The following FGF14 variants were observed in gnomAD, a reference collection of about 807,000 sequenced individuals.
FGF14 encodes fibroblast growth factor 14, also known as fibroblast growth factor homologous factor 4.
Under a neutral mutation model 25.5 loss-of-function variants are expected in FGF14, and 5 were observed. That is an observed-to-expected ratio of 0.20 (90% CI 0.10 to 0.41). The LOEUF is 0.41. Ranked by LOEUF, FGF14 falls within the 10% of genes least tolerant of loss-of-function variation. FGF14 has a pLI of 1.00. For synonymous variants in FGF14, 138 were observed against 118.3 expected (o/e 1.17, Z -1.08); for missense variants, 222 against 320.1 (o/e 0.69, Z 2.34).
At chr13:102,063,580 C>G (rs1193091502) in intron 1 of FGF14, among the ~76,000 whole-genome samples, 1 of 151,356 alleles carries the variant, frequency 6.6e-6, no homozygotes, top group African/African-American at 2.4e-5. Flanking sequence ...CACGCCATTG[C>G]ACTCCAGCCT....
intron 1 of FGF14, among the ~76,000 whole-genome samples, chr13:102,045,517 T>C (rs893325629): frequency 6.6e-6 from 1 of 152,160 alleles, no homozygotes; most frequent in African/African-American, 2.4e-5. Flanking sequence ...GTGGAGCAAC[T>C]GTGATCTCTA....
chr13:102,343,790 T>C (rs1368151329), intron 1 of FGF14, among the ~76,000 whole-genome samples: 1 of 152,180 alleles, frequency 6.6e-6, no homozygotes, highest in Admixed American at 6.5e-5. Flanking sequence ...TCCTGTTAGA[T>C]TCCCTTAGCA....
At chr13:102,376,544 T>C (rs908012612) in intron 1 of FGF14, among the ~76,000 whole-genome samples, 3 of 152,194 alleles carry the variant, frequency 2.0e-5, no homozygotes, top group African/African-American at 4.8e-5. Flanking sequence ...ATGGCTTTTA[T>C]AGCCCAGGCC....
At chr13:101,793,312 G>A (rs1448235247) in intron 3 of FGF14, among the ~76,000 whole-genome samples, 1 of 152,240 alleles carries the variant, frequency 6.6e-6, no homozygotes, top group South Asian at 2.1e-4. Context: ...AAACTTTTCT[G>A]TATGAGAATG....
chr13:102,271,139 T>G lies in FGF14; in HGVS notation c.208+130332A>C, dbSNP rs2141161130. On this transcript the variant is annotated intron_variant, in intron 1 of 4. Transcript: ENST00000376131. Reference sequence around the variant, plus strand: ...TGATTTAGTCAATTACCCTTGGTTTTGTGGTAAATACTTATCAGAATTAAT... The same window carrying G: ...TGATTTAGTCAATTACCCTTGGTTTGGTGGTAAATACTTATCAGAATTAAT... Among the ~76,000 whole-genome samples the G allele has an allele frequency of 1.3e-5, 2 of 152,336 alleles. 1 individual carries two copies. Among genetic ancestry groups the G allele is most frequent in the Middle Eastern group, 6.8e-3 (2 of 294 alleles).
At chr13:101,735,137 A>G (rs1040056607) in intron 3 of FGF14, among the ~76,000 whole-genome samples, 5 of 152,106 alleles carry the variant, frequency 3.3e-5, no homozygotes, top group African/African-American at 1.2e-4. Context: ...AAACTAACCT[A>G]TTCCTAGAGG....
intron 1 of FGF14, among the ~76,000 whole-genome samples, chr13:102,161,104 A>C (rs1331673322): frequency 6.6e-6 from 1 of 152,220 alleles, no homozygotes; most frequent in Non-Finnish European, 1.5e-5. Context: ...GGAAGGCAGA[A>C]TGTAAAGGAA....
At chr13:101,934,311 A>T (rs1377838906) in intron 1 of FGF14, among the ~76,000 whole-genome samples, 1 of 152,230 alleles carries the variant, frequency 6.6e-6, no homozygotes, top group Non-Finnish European at 1.5e-5. Flanking sequence ...GTATACCAGT[A>T]ACAAGAATAA....
At chr13:102,360,668 G>T (rs1476457609) in intron 1 of FGF14, among the ~76,000 whole-genome samples, 3 of 152,130 alleles carry the variant, frequency 2.0e-5, no homozygotes, top group Non-Finnish European at 4.4e-5. Flanking sequence ...TTAGCGAGAA[G>T]AATACAAACA....
intron 3 of FGF14, among the ~76,000 whole-genome samples, chr13:101,771,724 T>C (rs2038785758): frequency 6.6e-6 from 1 of 152,132 alleles, no homozygotes; most frequent in East Asian, 1.9e-4. Flanking sequence ...TCCGAAGTTT[T>C]TTCAACTTGA....
chr13:102,328,097 C>A (rs1389334887), intron 1 of FGF14, among the ~76,000 whole-genome samples: 4 of 151,952 alleles, frequency 2.6e-5, no homozygotes, highest in Non-Finnish European at 5.9e-5. Flanking sequence ...CAAACCAGAG[C>A]ACGAATGGTC....
At chr13:101,774,130 T>C (rs980281412) in intron 3 of FGF14, among the ~76,000 whole-genome samples, 1 of 152,038 alleles carries the variant, frequency 6.6e-6, no homozygotes, top group African/African-American at 2.4e-5. Flanking sequence ...CTACCAATAA[T>C]ACTTAGAGAA....
At chr13:102,101,507 T>G (rs1022356229) in intron 1 of FGF14, among the ~76,000 whole-genome samples, 1 of 152,192 alleles carries the variant, frequency 6.6e-6, no homozygotes, top group Non-Finnish European at 1.5e-5. Flanking sequence ...TCCTTTTTAA[T>G]TGTCTGCTGG....
intron 3 of FGF14, among the ~76,000 whole-genome samples, chr13:101,850,387 G>A (rs1189659477): frequency 1.4e-5 from 2 of 142,200 alleles, no homozygotes; most frequent in Non-Finnish European, 3.1e-5. Context: ...CTAGGAGGTG[G>A]AGGTTGCAGT....
intron 3 of FGF14, among the ~76,000 whole-genome samples, chr13:101,747,259 CTG>C (rs1488412464): frequency 2.0e-5 from 3 of 152,112 alleles, no homozygotes; most frequent in African/African-American, 4.8e-5. Context: ...TTCATCAAGA[CTG>C]TGTGATTCAT....
intron 1 of FGF14, among the ~76,000 whole-genome samples, chr13:102,257,260 G>A (rs1473118067): frequency 6.8e-6 from 1 of 147,972 alleles, no homozygotes; most frequent in Admixed American, 6.8e-5. Flanking sequence ...TTCTGGAAGT[G>A]AATTCTTTCA....
intron 3 of FGF14, among the ~76,000 whole-genome samples, chr13:101,761,749 A>C (rs1189369870): frequency 1.3e-5 from 2 of 152,228 alleles, no homozygotes; most frequent in African/African-American, 4.8e-5. Context: ...ATATACAATT[A>C]TGATTTGTCA....
At chr13:102,018,793 T>C (rs558514034) in intron 1 of FGF14, among the ~76,000 whole-genome samples, 13 of 152,252 alleles carry the variant, frequency 8.5e-5, no homozygotes, top group Non-Finnish European at 4.4e-5. Flanking sequence ...ACTTTTTACA[T>C]AGTAATATTT....
At chr13:101,920,158 C>G (rs1471387743), upstream of FGF14, among the ~76,000 whole-genome samples, 1 of 152,154 alleles carries the variant, frequency 6.6e-6, no homozygotes, top group Non-Finnish European at 1.5e-5. Flanking sequence ...ATGTGCAAAG[C>G]TAGGGTGAAA....
Sources: allele counts gnomAD v4.1 joint callset (sites outside exome capture counted in the v4.1 genomes callset), GRCh38; gene constraint gnomAD v4.1.1; transcripts MANE v1.5; gene names NCBI Gene and HGNC (gene_info 2026-07-23, HGNC 2026-07-21).